The following ORM2 variants were observed in gnomAD, a reference collection of about 807,000 sequenced individuals.
The protein encoded by ORM2 is orosomucoid 2, also known as alpha-1-acid glycoprotein 2.
A neutral mutation model predicts 26.8 loss-of-function variants in ORM2; 19 were observed. That is an observed-to-expected ratio of 0.71 (90% CI 0.49 to 1.04). The LOEUF (loss-of-function observed/expected upper bound fraction) is 1.04. Among genes scored for constraint, ORM2 ranks in the 50% least tolerant of loss-of-function variants. ORM2 has a pLI of 0.00. For synonymous variants in ORM2, 94 were observed against 100.0 expected (o/e 0.94, Z 0.36); for missense variants, 259 against 244.9 (o/e 1.06, Z -0.39).
In ORM2 at chr9:114,331,678, G is replaced by C. The variant is rs376454821; in HGVS notation, c.436+4G>C. 19 of 1,611,272 alleles carry C rather than the reference G, an allele frequency of 1.2e-5. No individual in the cohort carries two copies. The highest frequency in any genetic ancestry group is 1.6e-4 in the Middle Eastern group (1 of 6,074). On this transcript the variant is annotated splice_donor_region_variant and intron_variant, in intron 4 of 5. Coordinates refer to ENST00000431067, the MANE Select transcript of ORM2 (RefSeq NM_000608.4). ...AACTGGGGGCTGTCTTTCTATGGTA[G>C]GCATGCTTAGCAGCCCCAAACTCAT...
rs1829840708 is a variant in ORM2 at position 114,330,875 on chromosome 9, C to T, written c.328+13C>T. On this transcript the variant is annotated intron_variant, in intron 3 of 5. Coordinates refer to ENST00000431067, the MANE Select transcript of ORM2 (RefSeq NM_000608.4). Reference sequence around the variant, plus strand: ...GTCTCCAGATACGGTGAGGGCCAGCCCTCAGGCAGGAGGGTTCACCGTGGG... The same window carrying T: ...GTCTCCAGATACGGTGAGGGCCAGCTCTCAGGCAGGAGGGTTCACCGTGGG... The T allele has an allele frequency of 6.2e-7, 1 of 1,611,888 alleles. No homozygotes were observed. Among genetic ancestry groups the T allele is most frequent in the Non-Finnish European group, 8.5e-7 (1 of 1,178,196 alleles).
At position 114,331,922 on chromosome 9, in the gene ORM2, G is replaced by A. The variant is rs1314043354; in HGVS notation, c.533G>A (p.Trp178Ter). Residue 178 changes from tryptophan (W) to a stop codon, truncating the protein, a stop_gained, in exon 5 of 6, where the codon TGG (tryptophan) becomes TAG (stop). Coordinates refer to ENST00000431067, the MANE Select transcript of ORM2 (RefSeq NM_000608.4). LOFTEE classifies it low-confidence loss of function (END_TRUNC). Reference sequence around the variant, plus strand: ...AGGTCAGATGTCATGTACACCGACTGGAAAAAGGTAAACGCAAGGGATTGG... The same window carrying A: ...AGGTCAGATGTCATGTACACCGACTAGAAAAAGGTAAACGCAAGGGATTGG... ...IPRSDVMYTD[W>*]KKDKCEPLEK... is the part of the protein sequence containing the mutation. The A allele has an allele frequency of 3.1e-6, 5 of 1,613,466 alleles. No homozygotes were observed. Among genetic ancestry groups the A allele is most frequent in the Admixed American group, 1.7e-5 (1 of 59,990 alleles).
Position 114,330,801 on chromosome 9 carries a change from G to C in ORM2, c.267G>C (p.Gln89His). 2 of 1,613,920 alleles carry C rather than the reference G, an allele frequency of 1.2e-6. No individual in the cohort carries two copies. Among genetic ancestry groups the C allele is most frequent in the Non-Finnish European group, 1.7e-6 (2 of 1,179,954 alleles). ...FLREYQTRQN[Q>H]CFYNSSYLNV... is the part of the protein sequence containing the mutation. ...TTCTGGTTGACTTTAGCCAGAACCA[G>C]TGCTTCTATAACTCCAGTTACCTGA... The change falls in exon 3 of 6, where the codon CAG (glutamine) becomes CAC (histidine). Residue 89 changes from glutamine (Q) to histidine (H), a missense_variant. Coordinates refer to ENST00000431067, the MANE Select transcript of ORM2 (RefSeq NM_000608.4).
chr9:114,330,160 A>G (rs1369608440), intron 1 of ORM2, 142 bp downstream of exon 1: 26 of 1,470,150 alleles, frequency 1.8e-5, no homozygotes, highest in Non-Finnish European at 2.4e-5. Context: ...TGAAATTCTC[A>G]CCAGCCCAGG....
At chr9:114,332,652 G>A (rs1766095) in intron 5 of ORM2, among the ~76,000 whole-genome samples, 556 of 150,580 alleles carry the variant, frequency 3.7e-3, no homozygotes, top group African/African-American at 8.3e-3. Context: ...GCTTATGAAC[G>A]CAACCACTGT....
Position 114,330,574 on chromosome 9 carries a change from C to A in ORM2, c.255C>A (p.Thr85=), listed in dbSNP as rs1754714873. Residue 85 remains threonine (T), a splice_region_variant and synonymous_variant, in exon 2 of 6, where the codon ACC becomes ACA. Coordinates refer to ENST00000431067, the MANE Select transcript of ORM2 (RefSeq NM_000608.4). ...CGATCTTTCTCAGAGAGTACCAGAC[C>A]CGGTGAGAGCCCCCATTCCAATGCA... The part of the protein sequence containing the change: ...EDTIFLREYQ[T]RQNQCFYNSS... The A allele has an allele frequency of 5.0e-6, 8 of 1,612,850 alleles. No individual in the cohort carries two copies. Among genetic ancestry groups the A allele is most frequent in the Non-Finnish European group, 5.1e-6 (6 of 1,179,952 alleles).
In ORM2 at chr9:114,330,864, T is replaced by C. The variant is rs78692008; in HGVS notation, c.328+2T>C. 6.2e-7 allele frequency: 1 copy of C among 1,613,294 alleles called. No individual in the cohort carries two copies. Among genetic ancestry groups the C allele is most frequent in the Non-Finnish European group, 8.5e-7 (1 of 1,179,570 alleles). On this transcript the variant is annotated splice_donor_variant, in intron 3 of 5. Coordinates refer to ENST00000431067, the MANE Select transcript of ORM2 (RefSeq NM_000608.4). LOFTEE classifies it high-confidence loss of function. ...AGAATGGGACCGTCTCCAGATACGG[T>C]GAGGGCCAGCCCTCAGGCAGGAGGG...
rs1829825391 is a variant in ORM2 at position 114,330,021 on chromosome 9, G to A, written c.114+3G>A. ...TCACCAACGCCACCCTGGACCGGGT[G>A]AGTGCCTGGGCTAGCCCTGTCCTGA... On this transcript the variant is annotated splice_donor_region_variant and intron_variant, in intron 1 of 5. Transcript: ENST00000431067. 2 of 1,591,516 alleles carry A rather than the reference G, an allele frequency of 1.3e-6. No individual in the cohort carries two copies. Among genetic ancestry groups the A allele is most frequent in the Non-Finnish European group, 1.7e-6 (2 of 1,171,856 alleles).
intron 3 of ORM2, 133 bp downstream of exon 3, chr9:114,330,995 A>C: frequency 1.5e-6 from 1 of 684,944 alleles, no homozygotes; most frequent in Non-Finnish European, 2.5e-6. Context: ...AGCTCTTACC[A>C]CGTGCTCAGA....
At chr9:114,332,627 G>A (rs1184733082) in intron 5 of ORM2, among the ~76,000 whole-genome samples, 1 of 152,054 alleles carries the variant, frequency 6.6e-6, no homozygotes, top group African/African-American at 2.4e-5. Flanking sequence ...CCCAGCCCCA[G>A]GATCCTGGGA....
At chr9:114,330,071 T>C in intron 1 of ORM2, 53 bp downstream of exon 1, 1 of 1,610,996 alleles carries the variant, frequency 6.2e-7, no homozygotes, top group South Asian at 1.1e-5. Context: ...GCCTCCCTTC[T>C]CTGGGCTTCC....
In ORM2 at chr9:114,331,692, C is replaced by T; in HGVS notation, c.436+18C>T. On this transcript the variant is annotated intron_variant, in intron 4 of 5. Coordinates refer to ENST00000431067, the MANE Select transcript of ORM2 (RefSeq NM_000608.4). ...TTTCTATGGTAGGCATGCTTAGCAGCCCCAAACTCATGCCCCTCTCAGGCC... is the reference window on the plus strand; with the variant it reads ...TTTCTATGGTAGGCATGCTTAGCAGTCCCAAACTCATGCCCCTCTCAGGCC... 1.2e-6 allele frequency: 2 copies of T among 1,604,574 alleles called. No homozygotes were observed.
chr9:114,332,568 TTGC>T (rs1829873622), intron 5 of ORM2, among the ~76,000 whole-genome samples: 1 of 151,992 alleles, frequency 6.6e-6, no homozygotes, highest in East Asian at 1.9e-4. Context: ...TTCCTTCCAT[TTGC>T]CACCTGAGAT....
rs754917453 is a variant in ORM2, at chr9:114,331,586, T to G, written c.348T>G (p.Val116=). Residue 116 remains valine, a synonymous_variant, in exon 4 of 6, where the codon GTT becomes GTG. Coordinates refer to ENST00000431067, the MANE Select transcript of ORM2 (RefSeq NM_000608.4). ...VSRYEGGREH[V]AHLLFLRDTK... is the part of the protein sequence containing the mutation. The stretch of plus-strand genomic sequence containing the variant: ...TTCCAGAGGGAGGCCGAGAACATGT[T>G]GCTCACCTGCTGTTCCTTAGGGACA... The G allele has an allele frequency of 3.7e-6, 6 of 1,613,900 alleles. No individual in the cohort carries two copies. The East Asian group carries it at 1.1e-4, about 30-fold the overall frequency.
chr9:114,331,346 A>T (rs1588925570), intron 3 of ORM2, among the ~76,000 whole-genome samples: 1 of 152,054 alleles, frequency 6.6e-6, no homozygotes, highest in Non-Finnish European at 1.5e-5. Context: ...AAAGGCCCTG[A>T]CAGCCACAGT....
intron 5 of ORM2, 117 bp downstream of exon 5, chr9:114,332,046 T>G: frequency 2.7e-6 from 2 of 752,834 alleles, no homozygotes; most frequent in Non-Finnish European, 4.4e-6. Context: ...GATCTTCTGC[T>G]TTTAGGCACC....
chr9:114,331,215 C>T (rs944757643), intron 3 of ORM2, among the ~76,000 whole-genome samples: 1 of 152,092 alleles, frequency 6.6e-6, no homozygotes, highest in Non-Finnish European at 1.5e-5. Flanking sequence ...GTACCTTCAA[C>T]TATGTCCCCC....
intron 1 of ORM2, 131 bp from the exon 2 acceptor site, chr9:114,330,303 T>G (rs1421503571): frequency 9.9e-7 from 1 of 1,008,936 alleles, no homozygotes; most frequent in East Asian, 2.6e-5. Context: ...AGCTCCTGCA[T>G]GCGCACTGCC....
rs1446803380 is a variant in ORM2 at position 114,330,801 on chromosome 9, G to A, written c.267G>A (p.Gln89=). 6.2e-7 allele frequency: 1 copy of A among 1,613,920 alleles called. No individual in the cohort carries two copies. Among genetic ancestry groups the A allele is most frequent in the Admixed American group, 1.7e-5 (1 of 60,008 alleles). The part of the protein sequence containing the change: ...FLREYQTRQN[Q]CFYNSSYLNV... The stretch of plus-strand genomic sequence containing the variant: ...TTCTGGTTGACTTTAGCCAGAACCA[G>A]TGCTTCTATAACTCCAGTTACCTGA... The change falls in exon 3 of 6, where the codon CAG becomes CAA. Residue 89 remains glutamine (Q), a synonymous_variant. Transcript: ENST00000431067.
Sources: gnomAD v4.1 joint callset for allele counts (sites outside exome capture counted in the v4.1 genomes callset) on GRCh38, gnomAD v4.1.1 for gene constraint, MANE v1.5 for transcripts, NCBI Gene and HGNC (gene_info 2026-07-23, HGNC 2026-07-21) for gene names.